Variants in ENTPD1 observed in about 807,000 individuals in gnomAD.
The protein encoded by ENTPD1 is ATP diphosphohydrolase.
A neutral mutation model predicts 57.0 loss-of-function variants in ENTPD1; 33 were observed. That is an observed-to-expected ratio of 0.58 (90% CI 0.44 to 0.77). ENTPD1 has a LOEUF of 0.77. Ranked by LOEUF, ENTPD1 falls within the 30% of genes least tolerant of loss-of-function variation. ENTPD1 has a pLI of 0.00. For missense variants in ENTPD1, 501 were observed against 603.4 expected (o/e 0.83, Z 1.78); for synonymous variants, 202 against 218.8 (o/e 0.92, Z 0.68).
the ENTPD1 span, among the ~76,000 whole-genome samples, chr10:95,695,365 T>C: frequency 6.6e-6 from 1 of 152,248 alleles, no homozygotes; most frequent in Non-Finnish European, 1.5e-5. Context: ...TTTGGATATT[T>C]AGTTTTAGTA....
intron 2 of ENTPD1, among the ~76,000 whole-genome samples, chr10:95,827,358 G>C (rs2098381014): frequency 1.3e-5 from 2 of 151,998 alleles, no homozygotes; most frequent in African/African-American, 4.8e-5. Context: ...GGGAGGCTGA[G>C]GCAGGAGAAT....
chr10:95,814,244 A>C (rs2098321805), intron 1 of ENTPD1, among the ~76,000 whole-genome samples: 1 of 152,172 alleles, frequency 6.6e-6, no homozygotes, highest in African/African-American at 2.4e-5. Context: ...ATTATTCTCA[A>C]TGCAATCTAT....
chr10:95,736,343 G>A (rs1317809320), intron 1 of ENTPD1, among the ~76,000 whole-genome samples: 4 of 152,218 alleles, frequency 2.6e-5, no homozygotes, highest in South Asian at 2.1e-4. Context: ...TGACCAATTC[G>A]TGTGCTGAGG....
At chr10:95,729,963 A>C (rs1330342429) in intron 1 of ENTPD1, among the ~76,000 whole-genome samples, 1 of 152,226 alleles carries the variant, frequency 6.6e-6, no homozygotes, top group Non-Finnish European at 1.5e-5. Flanking sequence ...TGAAATCTCC[A>C]CTTAGGAACA....
chr10:95,850,884 A>G (rs2098443837), intron 7 of ENTPD1, among the ~76,000 whole-genome samples: 2 of 152,192 alleles, frequency 1.3e-5, no homozygotes, highest in South Asian at 2.1e-4. Context: ...CTCAAGCCAC[A>G]GAGAATTTGT....
chr10:95,868,674 A>G lies in ENTPD1; in HGVS notation c.*2291A>G. 2.0e-6 allele frequency: 2 copies of G among 979,296 alleles called. No homozygotes were observed. Among genetic ancestry groups the G allele is most frequent in the Non-Finnish European group, 1.2e-6 (1 of 824,396 alleles). The allele number at this position is 979,296 out of a possible 1,614,324, so 60.7% of individuals were successfully genotyped here. A position where few individuals can be genotyped will look rare whatever the true frequency, so the allele number is the denominator to read the frequency against. On this transcript the variant is annotated 3_prime_UTR_variant, in exon 10 of 10. Coordinates refer to ENST00000371205, the MANE Select transcript of ENTPD1 (RefSeq NM_001776.6). The stretch of plus-strand genomic sequence containing the variant: ...TTTACAAATGAGGATCACACAAACT[A>G]CTACATGGCAGAGCAGATACTCCAA...
intron 1 of ENTPD1, among the ~76,000 whole-genome samples, chr10:95,717,505 G>T (rs191756626): frequency 0.011 from 1,619 of 152,200 alleles, 15 homozygotes; most frequent in Non-Finnish European, 0.016. Flanking sequence ...TATATGATTT[G>T]ACTCTTTCTT....
intron 1 of ENTPD1, among the ~76,000 whole-genome samples, chr10:95,765,667 T>G (rs1216113840): frequency 6.6e-6 from 1 of 152,220 alleles, no homozygotes; most frequent in Admixed American, 6.5e-5. Context: ...TGGGGTATTA[T>G]GGGTCCCATT....
the ENTPD1 span, among the ~76,000 whole-genome samples, chr10:95,706,400 G>A: frequency 6.6e-6 from 1 of 152,172 alleles, no homozygotes. Context: ...CAGCTCAGAG[G>A]AGACCCTCAG....
intron 1 of ENTPD1, among the ~76,000 whole-genome samples, chr10:95,789,853 G>A (rs2098196076): frequency 6.6e-6 from 1 of 152,110 alleles, no homozygotes; most frequent in Non-Finnish European, 1.5e-5. Context: ...TAATAATTTT[G>A]TAGCCACCTC....
chr10:95,743,179 A>G (rs749345052), intron 1 of ENTPD1, among the ~76,000 whole-genome samples: 7 of 152,208 alleles, frequency 4.6e-5, no homozygotes, highest in Non-Finnish European at 8.8e-5. Flanking sequence ...TTTGAGAAAT[A>G]CTGGTCAGAA....
intron 1 of ENTPD1, among the ~76,000 whole-genome samples, chr10:95,815,706 G>A (rs549810102): frequency 6.6e-6 from 1 of 152,306 alleles, no homozygotes; most frequent in South Asian, 2.1e-4. Context: ...ATACGGGTCT[G>A]CAGTAACCTC....
intron 1 of ENTPD1, among the ~76,000 whole-genome samples, chr10:95,794,421 T>C (rs2098218024): frequency 6.6e-6 from 1 of 152,170 alleles, no homozygotes; most frequent in Non-Finnish European, 1.5e-5. Flanking sequence ...GACATGGTCC[T>C]TGCCCTCCTA....
chr10:95,699,166 T>C, the ENTPD1 span, among the ~76,000 whole-genome samples: 8 of 151,678 alleles, frequency 5.3e-5, no homozygotes, highest in African/African-American at 1.9e-4. Context: ...CAAAGTCTCT[T>C]AAGTAAAGGA....
rs893555356 is a variant in ENTPD1 at position 95,873,929 on chromosome 10, C to T, written c.*7546C>T. Among the ~76,000 whole-genome samples the T allele has an allele frequency of 7.2e-5, 11 of 152,140 alleles. No individual in the cohort carries two copies. Among genetic ancestry groups the T allele is most frequent in the Admixed American group, 2.0e-4 (3 of 15,270 alleles). ...GGGACTTATTATCACGAGAATAGCA[C>T]AGAAAAGACTGGCCTCCATGATTCA... On this transcript the variant is annotated 3_prime_UTR_variant, in exon 10 of 10. Transcript: ENST00000371205.
At chr10:95,826,846 G>C (rs763717212) in intron 2 of ENTPD1, among the ~76,000 whole-genome samples, 3 of 152,158 alleles carry the variant, frequency 2.0e-5, no homozygotes, top group Non-Finnish European at 2.9e-5. Context: ...TGAGATATAG[G>C]AGGATACCAG....
At chr10:95,736,937 CT>C (rs2097995286) in intron 1 of ENTPD1, among the ~76,000 whole-genome samples, 1 of 152,190 alleles carries the variant, frequency 6.6e-6, no homozygotes, top group Admixed American at 6.5e-5. Context: ...ATAAAACTGT[CT>C]ACATATATTC....
chr10:95,706,477 G>T, the ENTPD1 span, among the ~76,000 whole-genome samples: 3 of 152,168 alleles, frequency 2.0e-5, no homozygotes, highest in African/African-American at 7.2e-5. Context: ...AGGCCCTGGG[G>T]AGGGTAGCTC....
chr10:95,761,715 T>A (rs2098063905), intron 1 of ENTPD1, among the ~76,000 whole-genome samples: 1 of 152,218 alleles, frequency 6.6e-6, no homozygotes, highest in Non-Finnish European at 1.5e-5. Context: ...TGTGTTAGAT[T>A]TCCTGCATGT....
Sources: gnomAD v4.1 joint callset for allele counts (sites outside exome capture counted in the v4.1 genomes callset) on GRCh38, gnomAD v4.1.1 for gene constraint, MANE v1.5 for transcripts, NCBI Gene and HGNC (gene_info 2026-07-23, HGNC 2026-07-21) for gene names.